The following NOX4 variants were observed in gnomAD, a reference collection of about 807,000 sequenced individuals.
NOX4 encodes the protein NADPH oxidase 4, also known as kidney oxidase-1.
In NOX4, 69 loss-of-function variants were observed where a neutral mutation model predicts 87.6. The observed-to-expected ratio is 0.79, with a 90% confidence interval of 0.65 to 0.96. NOX4 has a LOEUF of 0.96. NOX4 is among the 40% of genes least tolerant of loss of function. NOX4 has a pLI of 0.00. For missense variants in NOX4, 680 were observed against 681.5 expected (o/e 1.00, Z 0.02); for synonymous variants, 275 against 238.2 (o/e 1.15, Z -1.42).
At chr11:89,337,959 C>A (rs1945789875) in intron 15 of NOX4, among the ~76,000 whole-genome samples, 1 of 151,992 alleles carries the variant, frequency 6.6e-6, no homozygotes, top group Non-Finnish European at 1.5e-5. Flanking sequence ...CAAATAGACA[C>A]TTTTTCCTGT....
At chr11:89,403,253 C>G (rs1941978918) in intron 8 of NOX4, among the ~76,000 whole-genome samples, 1 of 152,118 alleles carries the variant, frequency 6.6e-6, no homozygotes, top group South Asian at 2.1e-4. Flanking sequence ...CCTTTCTTGT[C>G]AAGAAGTGGT....
intron 2 of NOX4, among the ~76,000 whole-genome samples, chr11:89,489,530 C>T (rs1946763899): frequency 6.6e-6 from 1 of 151,898 alleles, no homozygotes; most frequent in African/African-American, 2.4e-5. Flanking sequence ...GAGTTCTAGA[C>T]CAGCCTGACC....
the NOX4 span, among the ~76,000 whole-genome samples, chr11:89,540,602 AC>A: frequency 6.6e-6 from 1 of 151,712 alleles, no homozygotes; most frequent in East Asian, 2.0e-4. Context: ...CCTGGCTAAC[AC>A]GGTGAAATCC....
At chr11:89,429,133 C>T (rs532284523) in intron 7 of NOX4, among the ~76,000 whole-genome samples, 1 of 152,098 alleles carries the variant, frequency 6.6e-6, no homozygotes, top group African/African-American at 2.4e-5. Flanking sequence ...AAAATGAAGG[C>T]AGAAATAAAG....
chr11:89,450,366 TC>T (rs1944903825), intron 3 of NOX4, among the ~76,000 whole-genome samples: 1 of 152,190 alleles, frequency 6.6e-6, no homozygotes, highest in Non-Finnish European at 1.5e-5. Context: ...AGTTAACAAC[TC>T]CTTTTAAAAT....
chr11:89,347,532 A>C (rs547647761), intron 13 of NOX4, among the ~76,000 whole-genome samples: 22 of 152,344 alleles, frequency 1.4e-4, no homozygotes, highest in African/African-American at 5.1e-4. Flanking sequence ...CATTAGAAGG[A>C]AGGTATCTCC....
the NOX4 span, among the ~76,000 whole-genome samples, chr11:89,585,018 A>G: frequency 2.6e-5 from 4 of 152,134 alleles, no homozygotes; most frequent in African/African-American, 7.2e-5. Context: ...TAATGTCCCC[A>G]GGCTTAGGAT....
intron 12 of NOX4, among the ~76,000 whole-genome samples, chr11:89,369,256 A>G (rs1347506591): frequency 2.6e-5 from 4 of 152,066 alleles, no homozygotes; most frequent in Non-Finnish European, 5.9e-5. Context: ...GTGAAAAAAT[A>G]CAAAGAGTGG....
rs779170689 is a variant in NOX4 at position 89,335,837 on chromosome 11, G to C, written c.1616+8C>G. 1.5e-5 allele frequency: 22 copies of C among 1,464,794 alleles called. No homozygotes were observed. The highest frequency in any genetic ancestry group is 2.0e-5 in the Non-Finnish European group (21 of 1,058,724). 90.7% of individuals were successfully genotyped at this position (1,464,794 alleles called of 1,614,324 possible). A position where few individuals can be genotyped will look rare whatever the true frequency, so the allele number is the denominator to read the frequency against. On this transcript the variant is annotated splice_region_variant and intron_variant, in intron 17 of 17. Coordinates refer to ENST00000263317, the MANE Select transcript of NOX4 (RefSeq NM_016931.5). ...CCACATATCAAATTTTTGAGGTATA[G>C]TACTTACCCTCTGTTATATTTTGCT... is the stretch of plus-strand genomic sequence containing the variant.
chr11:89,414,665 A>T (rs1360755401), intron 8 of NOX4, among the ~76,000 whole-genome samples: 5 of 149,860 alleles, frequency 3.3e-5, no homozygotes, highest in Non-Finnish European at 7.4e-5. Flanking sequence ...TATATTATAG[A>T]GTTATCATAT....
At chr11:89,428,285 T>C (rs1047670594) in intron 7 of NOX4, among the ~76,000 whole-genome samples, 4 of 145,496 alleles carry the variant, frequency 2.7e-5, no homozygotes, top group African/African-American at 1.1e-4. Flanking sequence ...GTAAAGACCA[T>C]CGATGCTAGA....
At chr11:89,467,216 T>G (rs1945733766) in intron 2 of NOX4, among the ~76,000 whole-genome samples, 1 of 151,292 alleles carries the variant, frequency 6.6e-6, no homozygotes. Context: ...CTGGGCCTAG[T>G]GGCGGGCGCC....
intron 11 of NOX4, among the ~76,000 whole-genome samples, chr11:89,393,742 G>A (rs908532712): frequency 6.6e-6 from 1 of 152,082 alleles, no homozygotes; most frequent in Non-Finnish European, 1.5e-5. Flanking sequence ...TTCCAGGTAA[G>A]TATCACTAGC....
At chr11:89,491,515 G>A (rs866804769), upstream of NOX4, 2 of 469,064 alleles carry the variant, frequency 4.3e-6, no homozygotes, top group Non-Finnish European at 7.5e-6. Flanking sequence ...CTCTGAGCGC[G>A]CGGCCCAGGC....
At position 89,400,274 on chromosome 11, in the gene NOX4, G is replaced by C. The variant is rs1190042240; in HGVS notation, c.952C>G (p.Pro318Ala). 1.2e-6 allele frequency: 2 copies of C among 1,612,946 alleles called. No individual in the cohort carries two copies. The highest frequency in any genetic ancestry group is 4.5e-5 in the East Asian group (2 of 44,804). The part of the protein sequence containing the change: ...PVTIISVMSH[P>A]SDVMEIRMVK... ...ATTCGGATTTCCATGACATCTGAGGGATGACTCATGACCGAAATGATGGTG... is the reference window on the plus strand; with the variant it reads ...ATTCGGATTTCCATGACATCTGAGGCATGACTCATGACCGAAATGATGGTG... The change falls in exon 10 of 18, where the codon CCC becomes GCC. Residue 318 changes from proline to alanine, a missense_variant. Physicochemically the swap from Pro to Ala is conservative, Grantham distance 27. Transcript: ENST00000263317.
chr11:89,375,904 G>C (rs11018596), intron 11 of NOX4, among the ~76,000 whole-genome samples: 4 of 152,172 alleles, frequency 2.6e-5, no homozygotes, highest in Non-Finnish European at 4.4e-5. Flanking sequence ...AAGAATGTTT[G>C]TCCTTGTGTG....
upstream of NOX4, among the ~76,000 whole-genome samples, chr11:89,502,338 T>A (rs924967957): frequency 1.3e-5 from 2 of 152,060 alleles, no homozygotes; most frequent in African/African-American, 4.8e-5. Context: ...TGAGACTACA[T>A]TAGTAGGAGT....
the NOX4 span, among the ~76,000 whole-genome samples, chr11:89,580,826 G>T: frequency 6.6e-6 from 1 of 152,158 alleles, no homozygotes; most frequent in Non-Finnish European, 1.5e-5. Flanking sequence ...TAATTGAAGT[G>T]TAACTCTAGT....
intron 8 of NOX4, among the ~76,000 whole-genome samples, chr11:89,413,403 C>A (rs1193993825): frequency 2.6e-5 from 4 of 152,140 alleles, no homozygotes; most frequent in Non-Finnish European, 5.9e-5. Flanking sequence ...GCACTATTCA[C>A]AATAGCCAAG....
Sources: allele counts gnomAD v4.1 joint callset (sites outside exome capture counted in the v4.1 genomes callset), GRCh38; gene constraint gnomAD v4.1.1; transcripts MANE v1.5; gene names NCBI Gene and HGNC (gene_info 2026-07-23, HGNC 2026-07-21).